Variants in PI4KA observed in about 807,000 individuals in gnomAD.
The protein encoded by PI4KA is phosphatidylinositol 4-kinase alpha.
In PI4KA, 122 loss-of-function variants were observed where a neutral mutation model predicts 271.4. The ratio of observed to expected loss-of-function variants is 0.45; its 90% confidence interval spans 0.39 to 0.52. The LOEUF is 0.52. PI4KA is among the 20% of genes least tolerant of loss of function. The pLI, the probability that PI4KA is intolerant of heterozygous loss-of-function variation, is 0.00. For synonymous variants in PI4KA, 1,041 were observed against 1,078.8 expected, an observed-to-expected ratio of 0.96 and a Z score of 0.69; for missense variants, 1,969 against 2,769.1, an observed-to-expected ratio of 0.71 and a Z score of 6.48.
intron 18 of PI4KA, 125 bp downstream of exon 18, chr22:20,796,021 C>T (rs1444617296): frequency 2.3e-6 from 2 of 882,680 alleles, no homozygotes; most frequent in African/African-American, 3.4e-5. Context: ...TACTTGCATT[C>T]CAGGCACATT....
chr22:20,819,744 C>T lies in PI4KA; in HGVS notation c.686G>A (p.Arg229His), dbSNP rs867285951. Residue 229 changes from arginine (R) to histidine (H), a missense_variant, in exon 6 of 55, where the codon CGT becomes CAT. Transcript: ENST00000255882. ...VLEELEGVRR[R>H]SFNDFRSILP... ...GATGGAGCGGAAGTCATTAAAGGAA[C>T]GCCTTCGAACACCTTCAAGCTCTTC... 5.0e-6 allele frequency: 8 copies of T among 1,614,008 alleles called. No individual in the cohort carries two copies. Among genetic ancestry groups the T allele is most frequent in the South Asian group, 2.2e-5 (2 of 91,088 alleles).
At chr22:20,731,156 G>A (rs564096863) in intron 36 of PI4KA, among the ~76,000 whole-genome samples, 4 of 152,242 alleles carry the variant, frequency 2.6e-5, no homozygotes, top group South Asian at 2.1e-4. Flanking sequence ...TCTAGCCTGC[G>A]CGACAGAATG....
intron 45 of PI4KA, among the ~76,000 whole-genome samples, chr22:20,717,159 C>T (rs578182658): frequency 3.0e-4 from 45 of 152,108 alleles, no homozygotes; most frequent in African/African-American, 9.4e-4. Flanking sequence ...GGCGACACAG[C>T]GAAACTCCAT....
At chr22:20,829,983 T>C (rs766172641) in intron 3 of PI4KA, among the ~76,000 whole-genome samples, 1 of 152,240 alleles carries the variant, frequency 6.6e-6, no homozygotes, top group African/African-American at 2.4e-5. Flanking sequence ...TAGTATTTAA[T>C]TCTATTTTTA....
intron 4 of PI4KA, among the ~76,000 whole-genome samples, chr22:20,822,300 G>C (rs1466756455): frequency 6.6e-6 from 1 of 152,142 alleles, no homozygotes; most frequent in Non-Finnish European, 1.5e-5. Flanking sequence ...TCCTGCCTCA[G>C]CCTCCCAGAA....
At position 20,824,176 on chromosome 22, in the gene PI4KA, G is replaced by A. The variant is rs165699; in HGVS notation, c.456+150C>T. Reference sequence around the variant, plus strand: ...TCCTAAAGAGTAGTGAAAGACCTAAGCATGTCTTAGGTCTGCTGTCAACAG... The same window carrying A: ...TCCTAAAGAGTAGTGAAAGACCTAAACATGTCTTAGGTCTGCTGTCAACAG... On this transcript the variant is annotated intron_variant, in intron 4 of 54. Coordinates refer to ENST00000255882, the MANE Select transcript of PI4KA (RefSeq NM_058004.4). The A allele has an allele frequency of 0.48, 321,478 of 669,256 alleles. 81,345 individuals are homozygous for A. The highest frequency in any genetic ancestry group is 0.77 in the African/African-American group (43,021 of 55,536). The allele number at this position is 669,256 out of a possible 1,614,324, so 41.5% of individuals were successfully genotyped here. A position where few individuals can be genotyped will look rare whatever the true frequency, so the allele number is the denominator to read the frequency against.
chr22:20,739,415 C>G (rs1454904382), intron 32 of PI4KA, among the ~76,000 whole-genome samples: 2 of 149,740 alleles, frequency 1.3e-5, no homozygotes, highest in African/African-American at 4.9e-5. Flanking sequence ...AGCAGAATCA[C>G]TTGAGCTCAG....
At chr22:20,761,153 T>C (rs144785173) in intron 23 of PI4KA, 151 bp downstream of exon 23, 8 of 623,376 alleles carry the variant, frequency 1.3e-5, no homozygotes, top group East Asian at 2.8e-5. Context: ...AGGCGTATAT[T>C]TGAAGGCTAT....
intron 19 of PI4KA, among the ~76,000 whole-genome samples, chr22:20,766,062 G>A (rs2147402074): frequency 6.6e-6 from 1 of 152,254 alleles, no homozygotes; most frequent in Non-Finnish European, 1.5e-5. Context: ...AGAAGAGAAG[G>A]CAGCCTGTCC....
At chr22:20,818,812 A>G (rs1922186303) in intron 6 of PI4KA, among the ~76,000 whole-genome samples, 1 of 152,200 alleles carries the variant, frequency 6.6e-6, no homozygotes, top group Admixed American at 6.5e-5. Flanking sequence ...TCTTTTCTCC[A>G]TGAGTCAATT....
intron 43 of PI4KA, among the ~76,000 whole-genome samples, chr22:20,720,087 T>G (rs1377118927): frequency 2.1e-5 from 3 of 144,254 alleles, no homozygotes; most frequent in South Asian, 4.4e-4. Flanking sequence ...TGAACAAATA[T>G]GATTTTTCCA....
chr22:20,800,310 C>A (rs1056798841), intron 14 of PI4KA, among the ~76,000 whole-genome samples: 2 of 152,150 alleles, frequency 1.3e-5, no homozygotes, highest in Non-Finnish European at 2.9e-5. Context: ...CTTCTAAGGG[C>A]AAGGAACCAG....
intron 19 of PI4KA, chr22:20,787,256 C>T: frequency 1.6e-6 from 1 of 632,390 alleles, no homozygotes; most frequent in Non-Finnish European, 2.8e-6. Flanking sequence ...TGCACAATAG[C>T]CCATGCTGTA....
At chr22:20,842,357 T>C (rs572631687) in intron 1 of PI4KA, among the ~76,000 whole-genome samples, 2 of 152,336 alleles carry the variant, frequency 1.3e-5, no homozygotes, top group Non-Finnish European at 2.9e-5. Context: ...GTTTCTAATC[T>C]ACAGAACTGT....
chr22:20,818,693 C>A (rs2147688109), intron 6 of PI4KA, 144 bp from the exon 7 acceptor site: 1 of 550,470 alleles, frequency 1.8e-6, no homozygotes, highest in Non-Finnish European at 3.1e-6. Flanking sequence ...AAGCCCATCA[C>A]AGCTACAGCA....
At chr22:20,710,128 T>C (rs1355584579) in intron 52 of PI4KA, 131 bp from the exon 53 acceptor site, 12 of 684,094 alleles carry the variant, frequency 1.8e-5, no homozygotes, top group South Asian at 1.3e-4. Flanking sequence ...CTGCCACATC[T>C]TGCACATCCC....
intron 19 of PI4KA, among the ~76,000 whole-genome samples, chr22:20,784,999 G>A (rs919053749): frequency 3.3e-5 from 5 of 151,376 alleles, no homozygotes; most frequent in African/African-American, 4.9e-5. Flanking sequence ...CCTTAACAAC[G>A]TCCCTTCTGT....
At chr22:20,723,330 T>G (rs1926966706) in intron 42 of PI4KA, among the ~76,000 whole-genome samples, 1 of 151,890 alleles carries the variant, frequency 6.6e-6, no homozygotes, top group Admixed American at 6.6e-5. Context: ...TACTGTTCCC[T>G]TTTTTTGTAA....
intron 19 of PI4KA, among the ~76,000 whole-genome samples, chr22:20,786,526 A>G (rs1169702671): frequency 1.3e-5 from 2 of 152,172 alleles, no homozygotes; most frequent in Non-Finnish European, 2.9e-5. Flanking sequence ...GCGCTCAGCA[A>G]AAGAGAGAGA....
Sources: gnomAD v4.1 joint callset for allele counts (sites outside exome capture counted in the v4.1 genomes callset) on GRCh38, gnomAD v4.1.1 for gene constraint, MANE v1.5 for transcripts, NCBI Gene and HGNC (gene_info 2026-07-23, HGNC 2026-07-21) for gene names.